Variants in SV2C observed in about 807,000 individuals in gnomAD.
SV2C encodes synaptic vesicle glycoprotein 2C.
Under a neutral mutation model 79.7 loss-of-function variants are expected in SV2C, and 49 were observed. The ratio of observed to expected loss-of-function variants is 0.61; its 90% confidence interval spans 0.49 to 0.78. The LOEUF is 0.78. Among genes scored for constraint, SV2C ranks in the 30% least tolerant of loss-of-function variants. SV2C has a pLI of 0.00. For synonymous variants in SV2C, 334 were observed against 333.2 expected, an observed-to-expected ratio of 1.00 and a Z score of -0.03; for missense variants, 833 against 912.9, an observed-to-expected ratio of 0.91 and a Z score of 1.13.
At chr5:76,251,704 T>C (rs1482806350) in intron 4 of SV2C, among the ~76,000 whole-genome samples, 2 of 152,190 alleles carry the variant, frequency 1.3e-5, no homozygotes, top group Non-Finnish European at 2.9e-5. Flanking sequence ...CGCCACACTT[T>C]AAGAACCAGT....
the SV2C span, among the ~76,000 whole-genome samples, chr5:75,949,441 T>C: frequency 6.6e-6 from 1 of 151,818 alleles, no homozygotes; most frequent in African/African-American, 2.4e-5. Flanking sequence ...TGGAGACTGG[T>C]GTAGTAATTT....
chr5:76,340,381 G>C (rs1749418890), intron 12 of SV2C, among the ~76,000 whole-genome samples: 1 of 151,938 alleles, frequency 6.6e-6, no homozygotes, highest in Non-Finnish European at 1.5e-5. Context: ...TTACTGCATG[G>C]ACTCACCCCT....
the SV2C span, among the ~76,000 whole-genome samples, chr5:76,026,201 AACACACACACACACACACAC>A: frequency 3.6e-5 from 5 of 140,032 alleles, no homozygotes; most frequent in African/African-American, 8.1e-5. Context: ...CAAATTTACA[AACACACACACACACACACAC>A]ACACACACAC....
intron 12 of SV2C, among the ~76,000 whole-genome samples, chr5:76,339,491 G>T (rs1318650220): frequency 6.6e-6 from 1 of 152,100 alleles, no homozygotes; most frequent in African/African-American, 2.4e-5. Context: ...AAGGCGGGCG[G>T]ATCACGAGGT....
At chr5:76,200,315 C>A (rs1744401517) in intron 3 of SV2C, among the ~76,000 whole-genome samples, 1 of 152,362 alleles carries the variant, frequency 6.6e-6, no homozygotes, top group East Asian at 1.9e-4. Flanking sequence ...TGTCCATCAG[C>A]TCCATTTACT....
the SV2C span, among the ~76,000 whole-genome samples, chr5:76,059,501 T>C: frequency 6.7e-6 from 1 of 149,854 alleles, no homozygotes; most frequent in Non-Finnish European, 1.5e-5. Flanking sequence ...TTTTTTTTCT[T>C]TTGCTCATCC....
At chr5:76,059,436 C>G in the SV2C span, among the ~76,000 whole-genome samples, 3 of 151,992 alleles carry the variant, frequency 2.0e-5, no homozygotes, top group Non-Finnish European at 4.4e-5. Flanking sequence ...GTTGTCATTT[C>G]AGCAATGTTC....
intron 4 of SV2C, among the ~76,000 whole-genome samples, chr5:76,267,835 C>G (rs1443606567): frequency 6.6e-6 from 1 of 152,218 alleles, no homozygotes; most frequent in Non-Finnish European, 1.5e-5. Context: ...ACACAAGGGA[C>G]ATCACATTGA....
chr5:75,871,059 G>A, the SV2C span, among the ~76,000 whole-genome samples: 2 of 151,940 alleles, frequency 1.3e-5, no homozygotes, highest in Non-Finnish European at 2.9e-5. Context: ...GATTAGATGA[G>A]GTTTATTTCA....
At chr5:75,867,798 G>T in the SV2C span, among the ~76,000 whole-genome samples, 1 of 152,068 alleles carries the variant, frequency 6.6e-6, no homozygotes, top group Non-Finnish European at 1.5e-5. Context: ...CCCTTCCAGG[G>T]TCCTGTTTTT....
chr5:76,295,433 G>T (rs538328706), intron 8 of SV2C, among the ~76,000 whole-genome samples: 1 of 152,096 alleles, frequency 6.6e-6, no homozygotes, highest in Non-Finnish European at 1.5e-5. Context: ...TATTATACTG[G>T]GGTTTAAGTT....
At chr5:75,873,015 C>T in the SV2C span, among the ~76,000 whole-genome samples, 14 of 151,852 alleles carry the variant, frequency 9.2e-5, no homozygotes, top group African/African-American at 3.1e-4. Flanking sequence ...CCTTTTAAAG[C>T]CTAGTACCAA....
rs1419734326 is a variant in SV2C at position 76,300,861 on chromosome 5, C to G, written c.1769C>G (p.Thr590Arg). 1 of 1,614,010 alleles carries G rather than the reference C, an allele frequency of 6.2e-7. No homozygotes were observed. The highest frequency in any genetic ancestry group is 8.5e-7 in the Non-Finnish European group (1 of 1,179,998). The change falls in exon 11 of 13, where the codon ACA (threonine) becomes AGA (arginine). Residue 590 changes from threonine (T) to arginine (R), a missense_variant. Thr to Arg is a moderately conservative substitution (Grantham distance 71). Coordinates refer to ENST00000502798, the MANE Select transcript of SV2C (RefSeq NM_014979.4). ...YWIYFVNFLG[T>R]LAVLPGNIVS... is the part of the protein sequence containing the mutation. ...ATTTATTTTGTCAACTTTCTGGGGA[C>G]ATTGGCAGTATTGCCAGGGAACATT...
intron 1 of SV2C, among the ~76,000 whole-genome samples, chr5:76,130,259 T>G (rs1748842974): frequency 6.6e-6 from 1 of 151,944 alleles, no homozygotes; most frequent in African/African-American, 2.4e-5. Context: ...TTTATTTTAA[T>G]TTCATTTTAT....
chr5:76,004,558 C>T, the SV2C span, among the ~76,000 whole-genome samples: 1 of 152,040 alleles, frequency 6.6e-6, no homozygotes, highest in Non-Finnish European at 1.5e-5. Flanking sequence ...AACATTGAGG[C>T]CCACAATCTT....
chr5:76,303,329 T>G (rs1350559193), intron 12 of SV2C, among the ~76,000 whole-genome samples: 1 of 152,244 alleles, frequency 6.6e-6, no homozygotes, highest in African/African-American at 2.4e-5. Flanking sequence ...CATTGAGCTT[T>G]CTTTCATCAA....
chr5:76,301,029 C>A, intron 11 of SV2C, 97 bp downstream of exon 11: 4 of 1,334,198 alleles, frequency 3.0e-6, no homozygotes, highest in Middle Eastern at 1.9e-4. Context: ...GATTTGCATC[C>A]AATAAGGAGA....
At position 76,333,485 on chromosome 5, in the gene SV2C, C is replaced by T. The variant is rs1749241423; in HGVS notation, c.*7938C>T. On this transcript the variant is annotated 3_prime_UTR_variant, in exon 13 of 13. Coordinates refer to ENST00000502798, the MANE Select transcript of SV2C (RefSeq NM_014979.4). ...TTTTAATGAGATCTTGGCAATGGTC[C>T]TGTCGGTTTTGGTGTTTGGATTGTT... The T allele has an allele frequency of 6.6e-6, 1 of 152,186 alleles. No individual in the cohort carries two copies. 9.4% of individuals were successfully genotyped at this position (152,186 alleles called of 1,614,324 possible).
chr5:76,212,497 C>T (rs1449526234), intron 4 of SV2C, among the ~76,000 whole-genome samples: 5 of 151,342 alleles, frequency 3.3e-5, no homozygotes, highest in Non-Finnish European at 5.9e-5. Context: ...CCTTCTTAGC[C>T]GGCCTTCAGG....
Sources: gnomAD v4.1 joint callset for allele counts (sites outside exome capture counted in the v4.1 genomes callset) on GRCh38, gnomAD v4.1.1 for gene constraint, MANE v1.5 for transcripts, NCBI Gene and HGNC (gene_info 2026-07-23, HGNC 2026-07-21) for gene names.